MACROD2: variants seen among roughly 807,000 people sequenced by gnomAD.
MACROD2 encodes ADP-ribose glycohydrolase MACROD2.
Under a neutral mutation model 70.4 loss-of-function variants are expected in MACROD2, and 36 were observed. That is an observed-to-expected ratio of 0.51 (90% CI 0.39 to 0.68). The LOEUF (loss-of-function observed/expected upper bound fraction) is 0.68. Ranked by LOEUF, MACROD2 falls within the 30% of genes least tolerant of loss-of-function variation. MACROD2 has a pLI of 0.00. For synonymous variants in MACROD2, 172 were observed against 178.8 expected (o/e 0.96, Z 0.30); for missense variants, 496 against 538.4 (o/e 0.92, Z 0.78).
chr20:15,890,492 G>A (rs567041342), intron 10 of MACROD2, among the ~76,000 whole-genome samples: 9 of 152,202 alleles, frequency 5.9e-5, no homozygotes, highest in Non-Finnish European at 8.8e-5. Flanking sequence ...ATTTGCACTC[G>A]GTGAGCTGCT....
chr20:15,917,431 C>T (rs2065336054), intron 10 of MACROD2, among the ~76,000 whole-genome samples: 1 of 152,138 alleles, frequency 6.6e-6, no homozygotes, highest in South Asian at 2.1e-4. Flanking sequence ...TAACCTTCTC[C>T]AACAAGCAGA....
chr20:15,824,664 T>C (rs972960063), intron 8 of MACROD2, among the ~76,000 whole-genome samples: 2 of 152,172 alleles, frequency 1.3e-5, no homozygotes, highest in Admixed American at 6.6e-5. Context: ...AGTAAATGAT[T>C]GGTATAATAT....
chr20:15,592,591 G>A (rs1349592492), intron 8 of MACROD2, among the ~76,000 whole-genome samples: 1 of 152,184 alleles, frequency 6.6e-6, no homozygotes, highest in Non-Finnish European at 1.5e-5. Flanking sequence ...TCTAACTCTT[G>A]CAGAAGCTCT....
chr20:15,154,008 T>A (rs961256771), intron 5 of MACROD2, among the ~76,000 whole-genome samples: 6 of 152,150 alleles, frequency 3.9e-5, no homozygotes, highest in Admixed American at 3.3e-4. Context: ...TTTCAAAGGA[T>A]TTTAGTCACA....
At chr20:15,289,981 TA>T (rs1422991983) in intron 6 of MACROD2, among the ~76,000 whole-genome samples, 3 of 152,210 alleles carry the variant, frequency 2.0e-5, no homozygotes, top group African/African-American at 7.2e-5. Context: ...CAGTCTGAGC[TA>T]TTGGGAGGAG....
intron 5 of MACROD2, among the ~76,000 whole-genome samples, chr20:14,862,005 T>TTATATATATATTTA (rs1568838633): frequency 3.3e-3 from 39 of 11,790 alleles, no homozygotes; most frequent in African/African-American, 0.013. Flanking sequence ...ATATATATAT[T>TTATATATATATTTA]TATATATATA....
At chr20:15,231,654 T>C (rs1336195291) in intron 6 of MACROD2, among the ~76,000 whole-genome samples, 1 of 152,056 alleles carries the variant, frequency 6.6e-6, no homozygotes, top group Non-Finnish European at 1.5e-5. Context: ...AAGGAATCTC[T>C]AACTGTAATT....
At chr20:14,249,532 G>A (rs532340083) in intron 3 of MACROD2, among the ~76,000 whole-genome samples, 1 of 151,938 alleles carries the variant, frequency 6.6e-6, no homozygotes, top group Non-Finnish European at 1.5e-5. Flanking sequence ...GGGACCACAG[G>A]GGGTCACAGA....
At chr20:14,601,554 G>C (rs1982500471) in intron 4 of MACROD2, among the ~76,000 whole-genome samples, 2 of 151,694 alleles carry the variant, frequency 1.3e-5, no homozygotes, top group Non-Finnish European at 2.9e-5. Flanking sequence ...TATCAGAAGG[G>C]AAAAAACAAA....
rs140186353 is a variant in MACROD2, at chr20:14,751,800, C to A, written c.418+66841C>A. Among the ~76,000 whole-genome samples, 61 of 151,692 alleles carry A rather than the reference C, an allele frequency of 4.0e-4. No homozygotes were observed. The East Asian group carries it at 0.012, about 29-fold the overall frequency. On this transcript the variant is annotated intron_variant, in intron 5 of 17. Coordinates refer to ENST00000684519, the MANE Select transcript of MACROD2 (RefSeq NM_001351661.2). ...TCACTTGAACAAAAGAAACTATACT[C>A]CACTGATTTTTGTGGGTGAAACTGC...
intron 3 of MACROD2, among the ~76,000 whole-genome samples, chr20:14,362,840 T>C (rs2083235250): frequency 6.6e-6 from 1 of 152,016 alleles, no homozygotes; most frequent in African/African-American, 2.4e-5. Flanking sequence ...AGAGCATAGA[T>C]AATAGTAAAA....
intron 8 of MACROD2, among the ~76,000 whole-genome samples, chr20:15,585,977 A>G (rs1254406340): frequency 6.6e-6 from 1 of 152,154 alleles, no homozygotes; most frequent in African/African-American, 2.4e-5. Context: ...AAAGGGCTGG[A>G]GTATCTTTCT....
In MACROD2 at chr20:15,583,967, C is replaced by T. The variant is rs962818217; in HGVS notation, c.645+84120C>T. Among the ~76,000 whole-genome samples, 14 of 152,346 alleles carry T rather than the reference C, an allele frequency of 9.2e-5. No homozygotes were observed. The East Asian group carries it at 2.7e-3, about 29-fold the overall frequency. ...TGTGGGTATTTTGTGATCACACTGTCCCCTCCAAACACACCTTGTGGAAGA... is the reference window on the plus strand; with the variant it reads ...TGTGGGTATTTTGTGATCACACTGTTCCCTCCAAACACACCTTGTGGAAGA... On this transcript the variant is annotated intron_variant, in intron 8 of 17. Coordinates refer to ENST00000684519, the MANE Select transcript of MACROD2 (RefSeq NM_001351661.2).
chr20:14,294,148 A>G (rs1040647915), intron 3 of MACROD2, among the ~76,000 whole-genome samples: 7 of 151,786 alleles, frequency 4.6e-5, no homozygotes, highest in Non-Finnish European at 4.4e-5. Flanking sequence ...GTAAGTCCTC[A>G]TTTTGACAGA....
intron 8 of MACROD2, among the ~76,000 whole-genome samples, chr20:15,850,322 G>A (rs376332055): frequency 2.0e-5 from 3 of 152,306 alleles, no homozygotes; most frequent in African/African-American, 7.2e-5. Flanking sequence ...GTCTTTGGTT[G>A]AGGCTGCCAG....
At chr20:14,901,763 C>T (rs1023196913) in intron 5 of MACROD2, among the ~76,000 whole-genome samples, 4 of 152,074 alleles carry the variant, frequency 2.6e-5, no homozygotes, top group Non-Finnish European at 4.4e-5. Context: ...ATCTAATTGC[C>T]TGGAATAGTT....
At chr20:15,155,854 GA>G (rs10536310) in intron 5 of MACROD2, among the ~76,000 whole-genome samples, 4,516 of 150,366 alleles carry the variant, frequency 0.03, 233 homozygotes, top group African/African-American at 0.1. Context: ...ATGAGGAATA[GA>G]AAAAAAAAAA....
intron 5 of MACROD2, among the ~76,000 whole-genome samples, chr20:14,849,372 T>A (rs1180841232): frequency 2.6e-5 from 4 of 152,152 alleles, no homozygotes; most frequent in Admixed American, 1.3e-4. Flanking sequence ...TAAATTGATA[T>A]CCTTGAATTA....
At chr20:14,790,527 A>G (rs1242162994) in intron 5 of MACROD2, among the ~76,000 whole-genome samples, 1 of 152,124 alleles carries the variant, frequency 6.6e-6, no homozygotes, top group Non-Finnish European at 1.5e-5. Context: ...GACTCCTCAA[A>G]TGACCTTCAC....
Sources: allele counts gnomAD v4.1 joint callset (sites outside exome capture counted in the v4.1 genomes callset), GRCh38; gene constraint gnomAD v4.1.1; transcripts MANE v1.5; gene names NCBI Gene and HGNC (gene_info 2026-07-23, HGNC 2026-07-21).